The following WNK2 variants were observed in gnomAD, a reference collection of about 807,000 sequenced individuals.
WNK2 encodes the protein WNK lysine deficient protein kinase 2, also known as serine/threonine-protein kinase WNK2.
In WNK2, 67 loss-of-function variants were observed where a neutral mutation model predicts 192.1. The observed-to-expected ratio is 0.35, with a 90% confidence interval of 0.29 to 0.43. The LOEUF (loss-of-function observed/expected upper bound fraction) is 0.43. Among genes scored for constraint, WNK2 ranks in the 20% least tolerant of loss-of-function variants. The pLI is 1.00. For missense variants in WNK2, 2,698 were observed against 3,089.7 expected, an observed-to-expected ratio of 0.87 and a Z score of 3.01; for synonymous variants, 1,439 against 1,393.9, an observed-to-expected ratio of 1.03 and a Z score of -0.72.
At chr9:93,231,141 G>C (rs779642895) in intron 4 of WNK2, 33 bp downstream of exon 4, 1 of 1,602,106 alleles carries the variant, frequency 6.2e-7, no homozygotes, top group Admixed American at 1.7e-5. Flanking sequence ...GGCCCTTGGA[G>C]CCCATGAGAA....
At chr9:93,185,859 T>C (rs1474539853) in intron 2 of WNK2, among the ~76,000 whole-genome samples, 3 of 152,214 alleles carry the variant, frequency 2.0e-5, no homozygotes, top group Non-Finnish European at 4.4e-5. Flanking sequence ...GCCTCTGTTG[T>C]GCGTTTGGTG....
intron 8 of WNK2, among the ~76,000 whole-genome samples, chr9:93,249,404 C>G (rs935433880): frequency 6.6e-6 from 1 of 152,198 alleles, no homozygotes; most frequent in African/African-American, 2.4e-5. Context: ...GCAGACAGGC[C>G]CACTTCCAGA....
chr9:93,206,225 G>T (rs1175217663), intron 2 of WNK2, among the ~76,000 whole-genome samples: 3 of 152,184 alleles, frequency 2.0e-5, no homozygotes, highest in Admixed American at 2.0e-4. Flanking sequence ...AACATGTAGG[G>T]CCCCATTTCT....
chr9:93,289,103 T>C lies in WNK2; in HGVS notation c.4349T>C (p.Val1450Ala), dbSNP rs766054171. 1 of 1,608,734 alleles carries C rather than the reference T, an allele frequency of 6.2e-7. No homozygotes were observed. The highest frequency in any genetic ancestry group is 8.5e-7 in the Non-Finnish European group (1 of 1,178,002). Reference sequence around the variant, plus strand: ...GCCCCGCTTGCTGTGCAGCCCCTCGTGGTGGGCCTAGCACCTTGCACTCCA... The same window carrying C: ...GCCCCGCTTGCTGTGCAGCCCCTCGCGGTGGGCCTAGCACCTTGCACTCCA... ...HEAPLAVQPL[V>A]VGLAPCTPAP... Residue 1450 changes from valine to alanine, a missense_variant, in exon 20 of 30, where the codon GTG becomes GCG. Val to Ala is a moderately conservative substitution (Grantham distance 64). Coordinates refer to ENST00000427277, the MANE Select transcript of WNK2 (RefSeq NM_006648.4).
chr9:93,290,743 G>A (rs757702614), intron 21 of WNK2, among the ~76,000 whole-genome samples: 14 of 152,248 alleles, frequency 9.2e-5, no homozygotes, highest in South Asian at 2.1e-4. Flanking sequence ...TGCTGGGAGC[G>A]CCAGGTACCA....
intron 9 of WNK2, 116 bp from the exon 10 acceptor site, chr9:93,256,182 AG>A: frequency 8.1e-7 from 1 of 1,234,206 alleles, no homozygotes; most frequent in Non-Finnish European, 1.1e-6. Context: ...GTTCCTGGGA[AG>A]AGGGACCCTG....
intron 2 of WNK2, 45 bp downstream of exon 2, chr9:93,185,655 C>G (rs1174709748): frequency 1.3e-6 from 2 of 1,572,408 alleles, no homozygotes; most frequent in Non-Finnish European, 8.6e-7. Context: ...AGGGTCTGTC[C>G]GCGAGTGCGT....
At chr9:93,269,049 T>A in intron 19 of WNK2, 1 of 1,074,956 alleles carries the variant, frequency 9.3e-7, no homozygotes. Flanking sequence ...AGTGTTAACC[T>A]GGCAACTCCT....
chr9:93,290,946 C>A (rs559221737), intron 21 of WNK2, among the ~76,000 whole-genome samples: 1 of 152,214 alleles, frequency 6.6e-6, no homozygotes, highest in Admixed American at 6.5e-5. Flanking sequence ...GGGATGGGCA[C>A]ACTATGAATC....
In WNK2 at chr9:93,320,451, A is replaced by G. The variant is rs1808483778; in HGVS notation, c.*59A>G. ...CTAAGTGGAGAAGTGACGGACCCTC[A>G]GGGCCAGCTGCTCCTCCTGTCCAGT... On this transcript the variant is annotated 3_prime_UTR_variant, in exon 30 of 30. Coordinates refer to ENST00000427277, the MANE Select transcript of WNK2 (RefSeq NM_006648.4). The G allele has an allele frequency of 2.9e-6, 4 of 1,364,054 alleles. No homozygotes were observed. Among genetic ancestry groups the G allele is most frequent in the Admixed American group, 1.9e-5 (1 of 52,544 alleles). 84.5% of individuals were successfully genotyped at this position (1,364,054 alleles called of 1,614,324 possible).
intron 2 of WNK2, among the ~76,000 whole-genome samples, chr9:93,188,465 A>G (rs184342548): frequency 5.5e-4 from 84 of 152,368 alleles, no homozygotes; most frequent in Admixed American, 4.8e-3. Context: ...TGAATTCTCC[A>G]GATGTGCAAA....
At chr9:93,211,265 T>C (rs62646614) in intron 2 of WNK2, among the ~76,000 whole-genome samples, 23 of 958 alleles carry the variant, frequency 0.024, no homozygotes, top group African/African-American at 0.034. Context: ...CATTCACTCA[T>C]TCACTCACTC....
Position 93,309,137 on chromosome 9 carries a change from T to C in WNK2, c.6516+553T>C, listed in dbSNP as rs149008064. ...CTGTTTTTCAGCTTTCTGGAGGGGT[T>C]TGTGGAAGACTGGTGTTATTTCTAT... is the stretch of plus-strand genomic sequence containing the variant. On this transcript the variant is annotated intron_variant, in intron 28 of 29. Transcript: ENST00000427277. 5.1e-6 allele frequency: 5 copies of C among 985,704 alleles called. No homozygotes were observed. In the East Asian group the frequency reaches 5.7e-4, roughly 112 times the overall value. The allele number at this position is 985,704 out of a possible 1,614,324, so 61.1% of individuals were successfully genotyped here.
Position 93,288,773 on chromosome 9 carries a change from C to T in WNK2, c.4034-15C>T, listed in dbSNP as rs1229326095. 6.3e-7 allele frequency: 1 copy of T among 1,598,496 alleles called. No individual in the cohort carries two copies. The highest frequency in any genetic ancestry group is 1.7e-5 in the Admixed American group (1 of 57,848). On this transcript the variant is annotated splice_polypyrimidine_tract_variant and intron_variant, in intron 19 of 29. Coordinates refer to ENST00000427277, the MANE Select transcript of WNK2 (RefSeq NM_006648.4). ...GAGTACCCTGGTACAAAGGCATTTT[C>T]CCCATTTCTTCTAGATTCAGCGCCC...
intron 23 of WNK2, among the ~76,000 whole-genome samples, chr9:93,295,699 C>A (rs1029394148): frequency 6.6e-6 from 1 of 151,704 alleles, no homozygotes; most frequent in Non-Finnish European, 1.5e-5. Context: ...CCTCTCCTCT[C>A]CATCCTCCCG....
intron 19 of WNK2, among the ~76,000 whole-genome samples, chr9:93,286,493 G>C (rs528135869): frequency 4.6e-5 from 7 of 152,178 alleles, no homozygotes; most frequent in Non-Finnish European, 1.0e-4. Flanking sequence ...TAAGATCACT[G>C]CTCTCAAAAA....
At chr9:93,211,213 A>AG (rs1834523591) in intron 2 of WNK2, among the ~76,000 whole-genome samples, 1 of 2,384 alleles carries the variant, frequency 4.2e-4, no homozygotes, top group Non-Finnish European at 9.1e-4. Flanking sequence ...TACTCATTCA[A>AG]TCACTCATCC....
intron 19 of WNK2, among the ~76,000 whole-genome samples, chr9:93,278,254 C>T (rs907828338): frequency 2.6e-5 from 4 of 152,160 alleles, no homozygotes; most frequent in Admixed American, 2.6e-4. Context: ...ATTTCCAAGG[C>T]GGAGTTCTGG....
In WNK2 at chr9:93,292,684, C is replaced by T. The variant is rs769037928; in HGVS notation, c.5219C>T (p.Ser1740Leu). The T allele has an allele frequency of 2.0e-5, 32 of 1,572,840 alleles. 1 individual carries two copies. In the Middle Eastern group the frequency reaches 2.0e-3, roughly 97 times the overall value. Residue 1740 changes from serine to leucine, a missense_variant, in exon 23 of 30, where the codon TCA becomes TTA. This residue lies in a region of WNK2 where 1,098 missense variants were observed against 1,101.0 expected (regional missense o/e 1.00). Coordinates refer to ENST00000427277, the MANE Select transcript of WNK2 (RefSeq NM_006648.4). ...CGTCCAGAGCAGCAGGATGTCAGCT[C>T]ACCAGCCAAGACTGTGGGCCGTTTC... ...RKRPEQQDVSSPAKTVGRFSV... is the reference protein window; with the variant it reads ...RKRPEQQDVSLPAKTVGRFSV...
Sources: gnomAD v4.1 joint callset for allele counts (sites outside exome capture counted in the v4.1 genomes callset) on GRCh38, gnomAD v4.1.1 for gene constraint, gnomAD v4.1.1 regional missense constraint, MANE v1.5 for transcripts, NCBI Gene and HGNC (gene_info 2026-07-23, HGNC 2026-07-21) for gene names.